DAGLB: variants seen among roughly 807,000 people sequenced by gnomAD.
The protein encoded by DAGLB is diacylglycerol lipase beta, also known as diacylglycerol lipase-beta.
A neutral mutation model predicts 72.1 loss-of-function variants in DAGLB; 66 were observed. The observed-to-expected ratio is 0.92, with a 90% confidence interval of 0.75 to 1.12. DAGLB has a LOEUF of 1.12. DAGLB is among the 50% of genes most tolerant of loss of function. The pLI, the probability that DAGLB is intolerant of heterozygous loss-of-function variation, is 0.00. For missense variants in DAGLB, 1,065 were observed against 884.9 expected (o/e 1.20, Z -2.58); for synonymous variants, 414 against 359.5 (o/e 1.15, Z -1.71).
chr7:6,434,494 ACAGG>A (rs1376074428), intron 4 of DAGLB, among the ~76,000 whole-genome samples: 5 of 152,158 alleles, frequency 3.3e-5, no homozygotes, highest in African/African-American at 1.2e-4. Flanking sequence ...GTGGTTCCTT[ACAGG>A]CTAATCCAGC....
intron 3 of DAGLB, 95 bp downstream of exon 3, chr7:6,436,267 G>C (rs1784653092): frequency 6.9e-7 from 1 of 1,451,996 alleles, no homozygotes; most frequent in African/African-American, 1.4e-5. Context: ...ATTTGAGGAA[G>C]TCCGAGGGAC....
In DAGLB at chr7:6,412,864, C is replaced by A; in HGVS notation, c.1516G>T (p.Glu506Ter). The change falls in exon 13 of 15, where the codon GAA (glutamate) becomes TAA (stop). Residue 506 changes from glutamate (E) to a stop codon, truncating the protein, a stop_gained. Transcript: ENST00000297056. LOFTEE classifies it high-confidence loss of function. ...VIPRLSVTNL[E>*]DLKRRILRVV... is the part of the protein sequence containing the mutation. ...CGCAAGATTCTTCTCTTCAGATCTT[C>A]CAAGTTGGTCACACTGAGCCTGTTT... 6.2e-7 allele frequency: 1 copy of A among 1,607,366 alleles called. No individual in the cohort carries two copies. The highest frequency in any genetic ancestry group is 1.1e-5 in the South Asian group (1 of 90,012).
At chr7:6,420,162 C>T (rs1326263413) in intron 9 of DAGLB, among the ~76,000 whole-genome samples, 4 of 151,552 alleles carry the variant, frequency 2.6e-5, no homozygotes, top group Admixed American at 6.6e-5. Flanking sequence ...CAAAAACAGT[C>T]CAGGTGCGGT....
intron 11 of DAGLB, among the ~76,000 whole-genome samples, chr7:6,415,605 A>G (rs1214899482): frequency 8.2e-6 from 1 of 121,746 alleles, no homozygotes; most frequent in Non-Finnish European, 1.7e-5. Flanking sequence ...TTGGGAGGCC[A>G]AGGTGGCGGA....
chr7:6,414,720 A>G (rs1029775264), intron 11 of DAGLB, among the ~76,000 whole-genome samples: 14 of 152,298 alleles, frequency 9.2e-5, no homozygotes, highest in Admixed American at 2.6e-4. Flanking sequence ...TGTGGTAATG[A>G]GAACTACCAG....
chr7:6,428,974 T>A (rs532204836), intron 6 of DAGLB, among the ~76,000 whole-genome samples: 15 of 152,054 alleles, frequency 9.9e-5, no homozygotes, highest in South Asian at 8.3e-4. Flanking sequence ...CCAGCTAATT[T>A]TTATATTTTT....
At chr7:6,446,773 C>G (rs965245832) in intron 1 of DAGLB, among the ~76,000 whole-genome samples, 1 of 151,932 alleles carries the variant, frequency 6.6e-6, no homozygotes, top group Non-Finnish European at 1.5e-5. Context: ...CTTTGGGAGG[C>G]CAAGGCAGGA....
intron 4 of DAGLB, among the ~76,000 whole-genome samples, chr7:6,433,347 G>C (rs972827928): frequency 2.6e-5 from 4 of 152,140 alleles, no homozygotes; most frequent in African/African-American, 9.7e-5. Context: ...TGCTGGGAAG[G>C]TTTTGTTGAA....
At chr7:6,425,277 G>T (rs1210128590) in intron 7 of DAGLB, among the ~76,000 whole-genome samples, 1 of 152,092 alleles carries the variant, frequency 6.6e-6, no homozygotes, top group Non-Finnish European at 1.5e-5. Context: ...ATGCACAGCT[G>T]GCTTTTTTTT....
chr7:6,440,259 C>T (rs1784787886), intron 2 of DAGLB, among the ~76,000 whole-genome samples: 1 of 151,750 alleles, frequency 6.6e-6, no homozygotes. Flanking sequence ...TGGTGCATGC[C>T]TGTAATCCCA....
chr7:6,426,984 T>C (rs931277776), intron 6 of DAGLB, among the ~76,000 whole-genome samples: 8 of 152,104 alleles, frequency 5.3e-5, no homozygotes, highest in Admixed American at 3.9e-4. Flanking sequence ...GGCAGGCGCC[T>C]GTAATCCCAG....
intron 2 of DAGLB, among the ~76,000 whole-genome samples, chr7:6,443,200 C>CA (rs1185528234): frequency 1.0e-4 from 4 of 38,398 alleles, no homozygotes; most frequent in African/African-American, 2.5e-4. Context: ...AAAAAAAAAA[C>CA]AAAAAACAAA....
intron 8 of DAGLB, among the ~76,000 whole-genome samples, chr7:6,423,648 T>C (rs1202054191): frequency 6.8e-6 from 1 of 146,270 alleles, no homozygotes; most frequent in African/African-American, 2.6e-5. Context: ...AGTGCAGTGG[T>C]GCAATCTCGA....
chr7:6,426,368 C>A (rs959402095), intron 6 of DAGLB, among the ~76,000 whole-genome samples: 11 of 152,250 alleles, frequency 7.2e-5, no homozygotes, highest in Admixed American at 5.9e-4. Context: ...CTCCCAGGTT[C>A]AGGCGATTCC....
At chr7:6,412,936 A>AG (rs771795599) in intron 12 of DAGLB, 30 bp downstream of exon 12, 5 of 1,613,520 alleles carry the variant, frequency 3.1e-6, no homozygotes, top group Non-Finnish European at 4.2e-6. Flanking sequence ...CCAACCCCCC[A>AG]GCCCTGGGCA....
chr7:6,440,246 T>G (rs374471965), intron 2 of DAGLB, among the ~76,000 whole-genome samples: 6 of 151,652 alleles, frequency 4.0e-5, no homozygotes, highest in African/African-American at 1.5e-4. Context: ...TAGCCAGGTG[T>G]GGTGGTGCAT....
chr7:6,447,941 T>C lies in DAGLB; in HGVS notation c.-99A>G. 6 of 1,459,808 alleles carry C rather than the reference T, an allele frequency of 4.1e-6. No homozygotes were observed. The highest frequency in any genetic ancestry group is 5.4e-6 in the Non-Finnish European group (6 of 1,109,362). 90.4% of individuals were successfully genotyped at this position (1,459,808 alleles called of 1,614,324 possible). A position where few individuals can be genotyped will look rare whatever the true frequency, so the allele number is the denominator to read the frequency against. On this transcript the variant is annotated 5_prime_UTR_variant, in exon 1 of 15. Coordinates refer to ENST00000297056, the MANE Select transcript of DAGLB (RefSeq NM_139179.4). ...GACGCCGCCACCAAATTATCGGCGC[T>C]CAAGCGCAAACGCAGCGAGGGCGGG...
intron 1 of DAGLB, among the ~76,000 whole-genome samples, chr7:6,446,610 G>A (rs1785013167): frequency 2.0e-5 from 3 of 151,416 alleles, no homozygotes; most frequent in Admixed American, 1.3e-4. Context: ...TGCCCAGACT[G>A]GTCTTGAACT....
At chr7:6,418,192 T>C (rs1173943737) in intron 9 of DAGLB, among the ~76,000 whole-genome samples, 6 of 151,910 alleles carry the variant, frequency 3.9e-5, no homozygotes, top group South Asian at 4.2e-4. Flanking sequence ...TTCTAACATA[T>C]ACATCTGTCC....
Sources: allele counts gnomAD v4.1 joint callset (sites outside exome capture counted in the v4.1 genomes callset), GRCh38; gene constraint gnomAD v4.1.1; transcripts MANE v1.5; gene names NCBI Gene and HGNC (gene_info 2026-07-23, HGNC 2026-07-21).